SEMA3D: variants seen among roughly 807,000 people sequenced by gnomAD.
SEMA3D encodes semaphorin-3D.
Under a neutral mutation model 100.1 loss-of-function variants are expected in SEMA3D, and 84 were observed. The observed-to-expected ratio is 0.84, with a 90% CI of 0.70 to 1.01. The LOEUF (loss-of-function observed/expected upper bound fraction) is 1.01. SEMA3D is among the 50% of genes least tolerant of loss of function. SEMA3D has a pLI of 0.00. For synonymous variants in SEMA3D, 312 were observed against 320.7 expected (o/e 0.97, Z 0.29); for missense variants, 875 against 934.1 (o/e 0.94, Z 0.82).
chr7:85,241,657 T>C, the SEMA3D span, among the ~76,000 whole-genome samples: 4 of 150,984 alleles, frequency 2.6e-5, no homozygotes, highest in Admixed American at 2.6e-4. Flanking sequence ...CGATGGACTT[T>C]GGGGACTCAG....
chr7:85,133,559 ATTAAAC>A (rs1391322065), intron 2 of SEMA3D, among the ~76,000 whole-genome samples: 1 of 151,946 alleles, frequency 6.6e-6, no homozygotes, highest in Non-Finnish European at 1.5e-5. Context: ...ATCCTCAATA[ATTAAAC>A]TTATTTGTTT....
intron 2 of SEMA3D, chr7:85,139,892 G>A (rs917737850): frequency 2.6e-5 from 4 of 152,092 alleles, no homozygotes; most frequent in African/African-American, 9.7e-5. Flanking sequence ...CAGTGCTGTT[G>A]CAGAATAAAC....
chr7:85,140,836 T>C, intron 2 of SEMA3D: 2 of 881,990 alleles, frequency 2.3e-6, no homozygotes, highest in Non-Finnish European at 2.7e-6. Flanking sequence ...AAGTAGTTTT[T>C]CACATTCTAC....
At chr7:85,063,855 A>G (rs1583886340) in intron 8 of SEMA3D, among the ~76,000 whole-genome samples, 2 of 152,192 alleles carry the variant, frequency 1.3e-5, no homozygotes, top group Non-Finnish European at 2.9e-5. Context: ...TTTATGCTTC[A>G]GGCTGAGCAA....
At chr7:85,173,367 T>C (rs1237188308) in intron 1 of SEMA3D, among the ~76,000 whole-genome samples, 3 of 152,184 alleles carry the variant, frequency 2.0e-5, no homozygotes, top group Non-Finnish European at 4.4e-5. Flanking sequence ...TGGCAACTAG[T>C]ATTAAGGGTT....
At chr7:85,078,247 A>G (rs1787943633) in intron 5 of SEMA3D, among the ~76,000 whole-genome samples, 1 of 152,018 alleles carries the variant, frequency 6.6e-6, no homozygotes, top group Non-Finnish European at 1.5e-5. Context: ...TACAATGAAC[A>G]TTCTATTTTA....
the SEMA3D span, among the ~76,000 whole-genome samples, chr7:85,244,310 A>T: frequency 6.6e-6 from 1 of 152,110 alleles, no homozygotes; most frequent in African/African-American, 2.4e-5. Flanking sequence ...CACTCCTGAG[A>T]AGTGGCATTA....
At chr7:85,130,820 T>C (rs1488974290) in intron 2 of SEMA3D, among the ~76,000 whole-genome samples, 1 of 152,110 alleles carries the variant, frequency 6.6e-6, no homozygotes, top group Non-Finnish European at 1.5e-5. Context: ...AGGTCATATC[T>C]TCCGTAACTC....
chr7:85,171,763 A>C (rs2116548847), intron 1 of SEMA3D, among the ~76,000 whole-genome samples: 1 of 152,180 alleles, frequency 6.6e-6, no homozygotes, highest in South Asian at 2.1e-4. Context: ...TCACTAAAGT[A>C]ATAAATAAAA....
chr7:85,220,417 CA>C, the SEMA3D span, among the ~76,000 whole-genome samples: 1 of 146,922 alleles, frequency 6.8e-6, no homozygotes, highest in African/African-American at 2.5e-5. Context: ...CAGGGGGAAA[CA>C]AAAAATGTTT....
At chr7:85,085,696 G>A (rs570310711) in intron 4 of SEMA3D, among the ~76,000 whole-genome samples, 187 of 152,270 alleles carry the variant, frequency 1.2e-3, no homozygotes, top group African/African-American at 4.3e-3. Context: ...CTTACTGGCA[G>A]TCTCTACTTT....
At chr7:85,118,572 G>A (rs1789312982) in intron 3 of SEMA3D, among the ~76,000 whole-genome samples, 1 of 152,028 alleles carries the variant, frequency 6.6e-6, no homozygotes, top group Non-Finnish European at 1.5e-5. Context: ...TTTAAGGCAG[G>A]ACTAAAGTAT....
chr7:85,057,683 A>G (rs1057439302), intron 8 of SEMA3D, among the ~76,000 whole-genome samples: 34 of 152,178 alleles, frequency 2.2e-4, no homozygotes, highest in African/African-American at 7.7e-4. Flanking sequence ...TTATAATCCC[A>G]GCACTTTGGG....
chr7:85,031,386 G>T (rs1790544713), intron 12 of SEMA3D, among the ~76,000 whole-genome samples: 1 of 151,956 alleles, frequency 6.6e-6, no homozygotes. Flanking sequence ...TTCATAGAAA[G>T]CAAAGTATTC....
At chr7:85,201,957 T>A in the SEMA3D span, among the ~76,000 whole-genome samples, 6 of 152,094 alleles carry the variant, frequency 3.9e-5, no homozygotes, top group Non-Finnish European at 7.4e-5. Context: ...TAGGCTCAAG[T>A]GACCCTCTCA....
rs182993752 is a variant in SEMA3D at position 85,035,534 on chromosome 7, T to C, written c.1191+1355A>G. Among the ~76,000 whole-genome samples, 496 of 151,990 alleles carry C rather than the reference T, an allele frequency of 3.3e-3. 9 individuals carry two copies. Among genetic ancestry groups the C allele is most frequent in the Non-Finnish European group, 9.1e-4 (62 of 67,930 alleles). On this transcript the variant is annotated intron_variant, in intron 12 of 18. Transcript: ENST00000284136. The stretch of plus-strand genomic sequence containing the variant: ...CACTTATATAAGGTATCTATAATAG[T>C]CAAAATAATAGAATCAAAAAGCAGA...
At chr7:85,151,704 T>C (rs1790426675) in intron 2 of SEMA3D, 1 of 980,078 alleles carries the variant, frequency 1.0e-6, no homozygotes, top group Non-Finnish European at 1.2e-6. Context: ...AAGCATCTTG[T>C]ACTGGTAGAG....
chr7:85,142,372 C>A, intron 2 of SEMA3D: 1 of 909,486 alleles, frequency 1.1e-6, no homozygotes, highest in Non-Finnish European at 1.3e-6. Flanking sequence ...AAATTTATTT[C>A]TCTAGACATG....
rs1375784016 is a variant in SEMA3D, at chr7:84,998,846, T to C, written c.*594A>G. ...ACATTAGTGCCCTTCAGTAAATCAA[T>C]GTTGTAGTACACTAAATTTAACCCC... is the stretch of plus-strand genomic sequence containing the variant. On this transcript the variant is annotated 3_prime_UTR_variant, in exon 19 of 19. Transcript: ENST00000284136. 3 of 153,066 alleles carry C rather than the reference T, an allele frequency of 2.0e-5. No homozygotes were observed. Among genetic ancestry groups the C allele is most frequent in the African/African-American group, 7.2e-5 (3 of 41,420 alleles). The allele number at this position is 153,066 out of a possible 1,614,324, so 9.5% of individuals were successfully genotyped here.
Sources: gnomAD v4.1 joint callset for allele counts (sites outside exome capture counted in the v4.1 genomes callset) on GRCh38, gnomAD v4.1.1 for gene constraint, MANE v1.5 for transcripts, NCBI Gene and HGNC (gene_info 2026-07-23, HGNC 2026-07-21) for gene names.